The following NALF1 variants were observed in gnomAD, a reference collection of about 807,000 sequenced individuals.
The protein encoded by NALF1 is NALCN channel auxiliary factor 1, also known as family with sequence similarity 155 member A.
Under a neutral mutation model 48.4 loss-of-function variants are expected in NALF1, and 3 were observed. That is an observed-to-expected ratio of 0.06 (90% CI 0.03 to 0.16). NALF1 has a LOEUF of 0.16. Among genes scored for constraint, NALF1 ranks in the 10% least tolerant of loss-of-function variants. The pLI is 1.00. For missense variants in NALF1, 526 were observed against 571.5 expected, an observed-to-expected ratio of 0.92 and a Z score of 0.81; for synonymous variants, 262 against 245.7, an observed-to-expected ratio of 1.07 and a Z score of -0.62.
At chr13:107,790,889 A>T (rs1246169306) in intron 1 of NALF1, among the ~76,000 whole-genome samples, 1 of 152,064 alleles carries the variant, frequency 6.6e-6, no homozygotes, top group Admixed American at 6.6e-5. Flanking sequence ...CATATTAAAA[A>T]TACAGGATTC....
At chr13:107,539,768 T>C (rs1413229610) in intron 1 of NALF1, among the ~76,000 whole-genome samples, 1 of 152,100 alleles carries the variant, frequency 6.6e-6, no homozygotes, top group East Asian at 1.9e-4. Context: ...GACTTATATG[T>C]TTACACTTGC....
intron 1 of NALF1, among the ~76,000 whole-genome samples, chr13:107,381,295 G>A (rs528261383): frequency 1.3e-5 from 2 of 150,190 alleles, no homozygotes; most frequent in East Asian, 4.0e-4. Context: ...CAACCTCTTT[G>A]GCTCAAGCGA....
rs911829793 is a variant in NALF1, at chr13:107,166,212, A to G, written c.*4285T>C. On this transcript the variant is annotated 3_prime_UTR_variant, in exon 3 of 3. Coordinates refer to ENST00000375915, the MANE Select transcript of NALF1 (RefSeq NM_001080396.3). ...AATCGGCGGATCTCCCAAGGTCAGG[A>G]GTTCAAGACTAGCCTGGCCAACATG... The G allele has an allele frequency of 3.3e-5, 5 of 152,218 alleles. No homozygotes were observed. Among genetic ancestry groups the G allele is most frequent in the Non-Finnish European group, 7.3e-5 (5 of 68,058 alleles). 9.4% of individuals were successfully genotyped at this position (152,218 alleles called of 1,614,324 possible).
intron 1 of NALF1, among the ~76,000 whole-genome samples, chr13:107,576,186 A>G (rs1878142243): frequency 6.6e-6 from 1 of 152,144 alleles, no homozygotes; most frequent in Admixed American, 6.5e-5. Flanking sequence ...TTATTATTTA[A>G]TGATGAAAGA....
chr13:107,826,832 T>C (rs1391551899), intron 1 of NALF1, among the ~76,000 whole-genome samples: 1 of 152,222 alleles, frequency 6.6e-6, no homozygotes, highest in East Asian at 1.9e-4. Flanking sequence ...CTCAGTTTTC[T>C]CATTGGAACG....
At chr13:107,243,753 G>T (rs1880523702) in intron 1 of NALF1, among the ~76,000 whole-genome samples, 2 of 152,260 alleles carry the variant, frequency 1.3e-5, no homozygotes, top group Non-Finnish European at 1.5e-5. Context: ...AGCAGGTCAT[G>T]CTGCACATAT....
intron 1 of NALF1, among the ~76,000 whole-genome samples, chr13:107,213,590 A>G (rs1381466341): frequency 6.6e-6 from 1 of 152,210 alleles, no homozygotes; most frequent in South Asian, 2.1e-4. Flanking sequence ...TTTTATTGCT[A>G]CTTAAGAGAT....
intron 1 of NALF1, among the ~76,000 whole-genome samples, chr13:107,569,049 A>C (rs1877900693): frequency 6.6e-6 from 1 of 152,190 alleles, no homozygotes; most frequent in African/African-American, 2.4e-5. Flanking sequence ...AAAGTTTTAT[A>C]GTTTTATATT....
At chr13:107,854,346 T>C (rs932825656) in intron 1 of NALF1, among the ~76,000 whole-genome samples, 1 of 152,240 alleles carries the variant, frequency 6.6e-6, no homozygotes, top group Non-Finnish European at 1.5e-5. Context: ...CACTATTTCA[T>C]CTGGACTGTG....
intron 1 of NALF1, among the ~76,000 whole-genome samples, chr13:107,431,068 TC>T (rs924225017): frequency 3.3e-5 from 5 of 151,074 alleles, no homozygotes; most frequent in African/African-American, 1.2e-4. Context: ...GAGCATTTTT[TC>T]GTGTGTTTTT....
chr13:107,390,095 C>T (rs1398390184), intron 1 of NALF1, among the ~76,000 whole-genome samples: 1 of 152,082 alleles, frequency 6.6e-6, no homozygotes, highest in Non-Finnish European at 1.5e-5. Flanking sequence ...ATTGGCCGGG[C>T]AACATGGCTC....
chr13:107,321,279 G>C (rs1882250040), intron 1 of NALF1, among the ~76,000 whole-genome samples: 1 of 152,022 alleles, frequency 6.6e-6, no homozygotes, highest in Admixed American at 6.6e-5. Flanking sequence ...AGAACAGGCT[G>C]GCTAAAGGAA....
intron 1 of NALF1, among the ~76,000 whole-genome samples, chr13:107,496,665 T>A (rs1032926256): frequency 6.6e-6 from 1 of 152,170 alleles, no homozygotes; most frequent in Non-Finnish European, 1.5e-5. Flanking sequence ...GAAAAAGACA[T>A]ACGTGAGACT....
intron 1 of NALF1, among the ~76,000 whole-genome samples, chr13:107,582,500 G>A (rs1034532965): frequency 6.6e-6 from 1 of 152,194 alleles, no homozygotes; most frequent in Admixed American, 6.6e-5. Context: ...CCAGGAGCAA[G>A]AGAAAATCAG....
chr13:107,832,082 A>G lies in NALF1; in HGVS notation c.915+33600T>C, dbSNP rs187044532. On this transcript the variant is annotated intron_variant, in intron 1 of 2. Coordinates refer to ENST00000375915, the MANE Select transcript of NALF1 (RefSeq NM_001080396.3). ...TTTTGTGATTATCTTTTAAACTATT[A>G]TATCTGGTACTGAAACCAAAACTGT... Among the ~76,000 whole-genome samples, 517 of 152,274 alleles carry G rather than the reference A, an allele frequency of 3.4e-3. 1 individual carries two copies. The highest frequency in any genetic ancestry group is 0.012 in the African/African-American group (490 of 41,568).
At chr13:107,271,483 G>C (rs1423319469) in intron 1 of NALF1, among the ~76,000 whole-genome samples, 1 of 152,044 alleles carries the variant, frequency 6.6e-6, no homozygotes, top group Admixed American at 6.6e-5. Flanking sequence ...AGGGACAATG[G>C]AATTGCTCCA....
chr13:107,253,429 CT>C (rs780002673), intron 1 of NALF1, among the ~76,000 whole-genome samples: 6 of 152,156 alleles, frequency 3.9e-5, no homozygotes, highest in East Asian at 1.9e-4. Flanking sequence ...CTCCCATCTC[CT>C]GGGGAGACCC....
intron 1 of NALF1, among the ~76,000 whole-genome samples, chr13:107,813,293 T>G (rs1879054842): frequency 6.6e-6 from 1 of 152,178 alleles, no homozygotes; most frequent in Admixed American, 6.5e-5. Context: ...GACTGTTATA[T>G]TCTGCAACAG....
chr13:107,635,309 A>AG (rs1327588718), intron 1 of NALF1, among the ~76,000 whole-genome samples: 1 of 152,116 alleles, frequency 6.6e-6, no homozygotes, highest in African/African-American at 2.4e-5. Context: ...TCATGGCAGA[A>AG]GGGGCAGCAA....
Sources: allele counts gnomAD v4.1 joint callset (sites outside exome capture counted in the v4.1 genomes callset), GRCh38; gene constraint gnomAD v4.1.1; transcripts MANE v1.5; gene names NCBI Gene and HGNC (gene_info 2026-07-23, HGNC 2026-07-21).